The following ADGRL3 variants were observed in gnomAD, a reference collection of about 807,000 sequenced individuals.
The protein encoded by ADGRL3 is adhesion G protein-coupled receptor L3.
Under a neutral mutation model 153.5 loss-of-function variants are expected in ADGRL3, and 62 were observed. The observed-to-expected ratio is 0.40, with a 90% confidence interval of 0.33 to 0.50. The LOEUF is 0.50. Among genes scored for constraint, ADGRL3 ranks in the 20% least tolerant of loss-of-function variants. The pLI is 0.47. For synonymous variants in ADGRL3, 710 were observed against 672.5 expected (o/e 1.06, Z -0.86); for missense variants, 1,641 against 1,859.4 (o/e 0.88, Z 2.16).
intron 8 of ADGRL3, among the ~76,000 whole-genome samples, chr4:61,755,811 G>A (rs1010958443): frequency 6.6e-6 from 1 of 152,170 alleles, no homozygotes; most frequent in African/African-American, 2.4e-5. Context: ...GTGTAAAGAA[G>A]GGATCCAGTT....
chr4:61,273,052 C>T (rs2093281227), intron 1 of ADGRL3, among the ~76,000 whole-genome samples: 1 of 152,020 alleles, frequency 6.6e-6, no homozygotes, highest in Non-Finnish European at 1.5e-5. Context: ...ATGATAAAAC[C>T]TAGGTAGGAT....
intron 1 of ADGRL3, among the ~76,000 whole-genome samples, chr4:61,300,397 A>G (rs750283806): frequency 2.6e-5 from 4 of 152,226 alleles, no homozygotes; most frequent in African/African-American, 7.2e-5. Context: ...TGAATAAATC[A>G]TACTGGAAAA....
chr4:61,218,018 G>T (rs1195354251), intron 1 of ADGRL3, among the ~76,000 whole-genome samples: 2 of 152,172 alleles, frequency 1.3e-5, no homozygotes, highest in Non-Finnish European at 2.9e-5. Flanking sequence ...TCTTTTCACT[G>T]CTGGGATTAA....
At chr4:61,679,424 GGTCCTT>G (rs1430790652) in intron 6 of ADGRL3, among the ~76,000 whole-genome samples, 7 of 151,868 alleles carry the variant, frequency 4.6e-5, no homozygotes, top group Non-Finnish European at 7.4e-5. Flanking sequence ...CAAAAAGCTA[GGTCCTT>G]TTCCTGGATC....
intron 6 of ADGRL3, among the ~76,000 whole-genome samples, chr4:61,697,407 A>T (rs1020120071): frequency 6.6e-6 from 1 of 152,056 alleles, no homozygotes; most frequent in Non-Finnish European, 1.5e-5. Flanking sequence ...CTAAAATACA[A>T]AAATTAGCAA....
At chr4:61,645,329 T>C (rs1474150689) in intron 5 of ADGRL3, among the ~76,000 whole-genome samples, 1 of 151,574 alleles carries the variant, frequency 6.6e-6, no homozygotes, top group African/African-American at 2.4e-5. Flanking sequence ...CCTGTCATTA[T>C]GATGTTAGCT....
intron 9 of ADGRL3, among the ~76,000 whole-genome samples, chr4:61,856,544 CCTCT>C (rs1040075599): frequency 2.0e-4 from 29 of 144,468 alleles, no homozygotes; most frequent in Admixed American, 1.1e-3. Context: ...TTCCTCCCTC[CCTCT>C]CTCTCTCTGT....
chr4:61,275,099 G>T (rs1371810176), intron 1 of ADGRL3, among the ~76,000 whole-genome samples: 1 of 152,162 alleles, frequency 6.6e-6, no homozygotes, highest in Non-Finnish European at 1.5e-5. Flanking sequence ...TTAGCCTACA[G>T]AATTTATAGA....
chr4:61,860,702 C>T (rs1250312717), intron 9 of ADGRL3, among the ~76,000 whole-genome samples: 1 of 152,116 alleles, frequency 6.6e-6, no homozygotes, highest in African/African-American at 2.4e-5. Context: ...TATCTCAGAA[C>T]CCTTTCATAT....
At chr4:61,689,088 T>A (rs2095496072) in intron 6 of ADGRL3, among the ~76,000 whole-genome samples, 1 of 152,168 alleles carries the variant, frequency 6.6e-6, no homozygotes, top group Non-Finnish European at 1.5e-5. Context: ...CTGGGTTATT[T>A]TGTCACTGAA....
rs573001319 is a variant in ADGRL3, at chr4:61,238,953, C to T, written c.-240+37188C>T. On this transcript the variant is annotated intron_variant, in intron 1 of 26. Transcript: ENST00000683033. ...TAAAGCTTTTTAAAATAAATAAGTTCTCTTATTCCGGAGCTGCAGGCTTTT... is the reference window on the plus strand; with the variant it reads ...TAAAGCTTTTTAAAATAAATAAGTTTTCTTATTCCGGAGCTGCAGGCTTTT... Among the ~76,000 whole-genome samples the T allele has an allele frequency of 2.1e-3, 320 of 152,064 alleles. 1 individual carries two copies. The highest frequency in any genetic ancestry group is 6.8e-3 in the Middle Eastern group (2 of 294).
intron 4 of ADGRL3, among the ~76,000 whole-genome samples, chr4:61,559,049 A>G (rs1010229165): frequency 3.3e-5 from 5 of 152,124 alleles, no homozygotes; most frequent in African/African-American, 1.2e-4. Context: ...AATGCTTAGC[A>G]CAGGTACTGG....
chr4:61,726,175 G>T (rs1282752131), intron 6 of ADGRL3, among the ~76,000 whole-genome samples: 2 of 138,776 alleles, frequency 1.4e-5, no homozygotes, highest in Admixed American at 1.6e-4. Context: ...CAAACATGAT[G>T]CTCAAGGGAA....
intron 1 of ADGRL3, among the ~76,000 whole-genome samples, chr4:61,337,050 A>G (rs2151065249): frequency 1.0e-5 from 1 of 96,060 alleles, no homozygotes; most frequent in South Asian, 3.1e-4. Flanking sequence ...GTGTGGATGA[A>G]TTGCCCTTTG....
chr4:61,761,787 G>A (rs1458804974), intron 8 of ADGRL3, among the ~76,000 whole-genome samples: 2 of 152,052 alleles, frequency 1.3e-5, no homozygotes, highest in African/African-American at 2.4e-5. Flanking sequence ...TAATTAGCTG[G>A]GTGTGGTGGC....
intron 9 of ADGRL3, among the ~76,000 whole-genome samples, chr4:61,856,574 T>C: frequency 7.4e-6 from 1 of 135,242 alleles, no homozygotes; most frequent in African/African-American, 2.8e-5. Flanking sequence ...TCTCTCTTTC[T>C]CTCTCTCTTT....
intron 3 of ADGRL3, among the ~76,000 whole-genome samples, chr4:61,512,595 T>A (rs1442656711): frequency 6.6e-6 from 1 of 152,104 alleles, no homozygotes; most frequent in Non-Finnish European, 1.5e-5. Flanking sequence ...ACAGCAATAC[T>A]GTGTTTGTTT....
At chr4:61,247,486 GTAGT>G (rs1443578527) in intron 1 of ADGRL3, among the ~76,000 whole-genome samples, 3 of 151,986 alleles carry the variant, frequency 2.0e-5, no homozygotes, top group Non-Finnish European at 4.4e-5. Context: ...GGTTGTGATG[GTAGT>G]TAGACACATT....
chr4:61,891,157 T>A (rs191212337), intron 9 of ADGRL3, among the ~76,000 whole-genome samples: 124 of 152,310 alleles, frequency 8.1e-4, no homozygotes, highest in African/African-American at 2.8e-3. Flanking sequence ...ACTGCTTTCG[T>A]TAACAAATGT....
Sources: allele counts gnomAD v4.1 joint callset (sites outside exome capture counted in the v4.1 genomes callset), GRCh38; gene constraint gnomAD v4.1.1; transcripts MANE v1.5; gene names NCBI Gene and HGNC (gene_info 2026-07-23, HGNC 2026-07-21).